Variants in RAB11B observed in about 807,000 individuals in gnomAD.
RAB11B encodes the protein RAB11B, member RAS oncogene family.
In RAB11B, 7 loss-of-function variants were observed where a neutral mutation model predicts 23.7. That is an observed-to-expected ratio of 0.29 (90% CI 0.17 to 0.55). RAB11B has a LOEUF of 0.55. RAB11B is among the 20% of genes least tolerant of loss of function. The pLI is 0.93. For synonymous variants in RAB11B, 138 were observed against 132.0 expected (o/e 1.05, Z -0.31); for missense variants, 189 against 320.0 (o/e 0.59, Z 3.12).
In RAB11B at chr19:8,403,750, C is replaced by T. The variant is rs1355786498; in HGVS notation, c.*192C>T. ...GTCCTGCCCGGGGAAAAGCTAGAAG[C>T]CCCGGTTTGCTGCACCCATGAAACT... On this transcript the variant is annotated 3_prime_UTR_variant, in exon 5 of 5. Coordinates refer to ENST00000328024, the MANE Select transcript of RAB11B (RefSeq NM_004218.4). 1.5e-5 allele frequency: 12 copies of T among 782,378 alleles called. No individual in the cohort carries two copies. The highest frequency in any genetic ancestry group is 1.0e-4 in the Admixed American group (3 of 28,934). 48.5% of individuals were successfully genotyped at this position (782,378 alleles called of 1,614,324 possible). A position where few individuals can be genotyped will look rare whatever the true frequency, so the allele number is the denominator to read the frequency against.
chr19:8,393,920 G>A (rs978420843), intron 1 of RAB11B, among the ~76,000 whole-genome samples: 1 of 152,222 alleles, frequency 6.6e-6, no homozygotes, highest in Non-Finnish European at 1.5e-5. Context: ...GGGCTTGCCT[G>A]CTCTGTCAGC....
At chr19:8,393,983 A>G (rs543233329) in intron 1 of RAB11B, among the ~76,000 whole-genome samples, 4 of 152,296 alleles carry the variant, frequency 2.6e-5, no homozygotes, top group Admixed American at 6.5e-5. Context: ...GAAGCCACCA[A>G]CTTCTGTGGA....
In RAB11B at chr19:8,400,065, G is replaced by A. The variant is rs777955946; in HGVS notation, c.236+7G>A. 1.2e-6 allele frequency: 2 copies of A among 1,606,820 alleles called. No homozygotes were observed. Among genetic ancestry groups the A allele is most frequent in the Non-Finnish European group, 1.7e-6 (2 of 1,173,972 alleles). Reference sequence around the variant, plus strand: ...ACCGCGCCATCACCTCCGCGTGCGTGTCGGCAGCCTGGGCAGGGACGCTGA... The same window carrying A: ...ACCGCGCCATCACCTCCGCGTGCGTATCGGCAGCCTGGGCAGGGACGCTGA... On this transcript the variant is annotated splice_region_variant and intron_variant, in intron 2 of 4. Coordinates refer to ENST00000328024, the MANE Select transcript of RAB11B (RefSeq NM_004218.4).
chr19:8,395,272 T>C (rs1971387827), intron 1 of RAB11B, among the ~76,000 whole-genome samples: 1 of 11,634 alleles, frequency 8.6e-5, no homozygotes, highest in African/African-American at 6.0e-4. Context: ...TCCATCTTTC[T>C]TTTTTTTTTT....
At chr19:8,393,872 G>A (rs1340974812) in intron 1 of RAB11B, among the ~76,000 whole-genome samples, 1 of 152,232 alleles carries the variant, frequency 6.6e-6, no homozygotes, top group Non-Finnish European at 1.5e-5. Flanking sequence ...GGGCACCTAG[G>A]ACTTCTCAGA....
At chr19:8,393,016 A>C (rs1971370244) in intron 1 of RAB11B, among the ~76,000 whole-genome samples, 1 of 142,436 alleles carries the variant, frequency 7.0e-6, no homozygotes, top group African/African-American at 2.6e-5. Context: ...TTTGGTGGCC[A>C]CATCACGCAC....
chr19:8,390,394 A>G lies in RAB11B; in HGVS notation c.-23A>G, dbSNP rs943592450. 4 of 1,528,654 alleles carry G rather than the reference A, an allele frequency of 2.6e-6. No individual in the cohort carries two copies. In the African/African-American group the frequency reaches 5.8e-5, roughly 22 times the overall value. 94.7% of individuals were successfully genotyped at this position (1,528,654 alleles called of 1,614,324 possible). On this transcript the variant is annotated 5_prime_UTR_variant, in exon 1 of 5. Coordinates refer to ENST00000328024, the MANE Select transcript of RAB11B (RefSeq NM_004218.4). ...TTGTGGTGGGGCTGCGGAGTCGCCG[A>G]TCCCGCCGGAAGCGCCAGGACAATG...
intron 1 of RAB11B, among the ~76,000 whole-genome samples, chr19:8,394,819 A>T (rs1048387911): frequency 6.6e-6 from 1 of 152,198 alleles, no homozygotes; most frequent in Non-Finnish European, 1.5e-5. Flanking sequence ...AATCCCGGCT[A>T]CTCGGGAGGC....
intron 4 of RAB11B, chr19:8,402,952 T>G (rs1431469724): frequency 1.2e-5 from 5 of 407,968 alleles, no homozygotes; most frequent in African/African-American, 2.0e-5. Context: ...CGTGAGCCAC[T>G]GCACCTGGCC....
intron 2 of RAB11B, among the ~76,000 whole-genome samples, chr19:8,400,533 G>A (rs965410118): frequency 6.6e-6 from 1 of 150,840 alleles, no homozygotes; most frequent in Admixed American, 6.6e-5. Flanking sequence ...GATCCTCTGG[G>A]CTCCCTCCCA....
intron 4 of RAB11B, 25 bp downstream of exon 4, chr19:8,402,590 G>T (rs759697118): frequency 8.3e-6 from 13 of 1,566,460 alleles, no homozygotes; most frequent in Non-Finnish European, 1.1e-5. Context: ...GATGGGTGTG[G>T]GTAGGGCACC....
rs1382298110 is a variant in RAB11B, at chr19:8,394,207, G to A, written c.40+3751G>A. On this transcript the variant is annotated intron_variant, in intron 1 of 4. Coordinates refer to ENST00000328024, the MANE Select transcript of RAB11B (RefSeq NM_004218.4). ...CACCTGTTTTGTCACCCAGACTGGA[G>A]TGCAGTGGCTTAGTGTCAGCTCACT... Among the ~76,000 whole-genome samples the A allele has an allele frequency of 6.6e-5, 10 of 152,210 alleles. 1 individual carries two copies. Among genetic ancestry groups the A allele is most frequent in the Admixed American group, 6.6e-4 (10 of 15,264 alleles).
Position 8,404,024 on chromosome 19 carries a change from C to G in RAB11B, c.*466C>G, listed in dbSNP as rs1319522504. 6.2e-6 allele frequency: 1 copy of G among 160,036 alleles called. No individual in the cohort carries two copies. Among genetic ancestry groups the G allele is most frequent in the Non-Finnish European group, 1.4e-5 (1 of 73,100 alleles). The allele number at this position is 160,036 out of a possible 1,614,324, so 9.9% of individuals were successfully genotyped here. On this transcript the variant is annotated 3_prime_UTR_variant, in exon 5 of 5. Transcript: ENST00000328024. ...CCGGGGCAGGCGGACCCCCCGGGCTCTCAGCGCCCACCCGCTCCTCCGCAC... is the reference window on the plus strand; with the variant it reads ...CCGGGGCAGGCGGACCCCCCGGGCTGTCAGCGCCCACCCGCTCCTCCGCAC...
intron 1 of RAB11B, among the ~76,000 whole-genome samples, chr19:8,395,492 G>A (rs1357483967): frequency 2.6e-5 from 4 of 151,632 alleles, no homozygotes; most frequent in East Asian, 1.9e-4. Context: ...CAAATGATCC[G>A]CCTGCCTCGG....
chr19:8,401,120 G>A (rs892081273), intron 2 of RAB11B, among the ~76,000 whole-genome samples: 5 of 151,232 alleles, frequency 3.3e-5, no homozygotes, highest in Non-Finnish European at 5.9e-5. Flanking sequence ...TCACTCTGTC[G>A]CCCAGGCTGG....
chr19:8,402,835 T>A (rs1971449334), intron 4 of RAB11B: 2 of 560,036 alleles, frequency 3.6e-6, no homozygotes, highest in Non-Finnish European at 6.3e-6. Flanking sequence ...CTAATTTTTG[T>A]AATTTTTAGT....
intron 1 of RAB11B, among the ~76,000 whole-genome samples, chr19:8,399,263 T>C (rs1971419812): frequency 6.6e-6 from 1 of 152,130 alleles, no homozygotes; most frequent in Non-Finnish European, 1.5e-5. Context: ...ACTTTTTGTA[T>C]TTTTTATAGA....
At chr19:8,399,752 C>CCA (rs1669923219) in intron 1 of RAB11B, 111 bp from the exon 2 acceptor site, 4 of 1,266,930 alleles carry the variant, frequency 3.2e-6, no homozygotes, top group Non-Finnish European at 3.3e-6. Flanking sequence ...CTCGACTCCT[C>CCA]CACACCGTTG....
chr19:8,395,487 G>C (rs1480407231), intron 1 of RAB11B, among the ~76,000 whole-genome samples: 1 of 152,010 alleles, frequency 6.6e-6, no homozygotes, highest in Non-Finnish European at 1.5e-5. Flanking sequence ...GACCTCAAAT[G>C]ATCCGCCTGC....
Sources: allele counts gnomAD v4.1 joint callset (sites outside exome capture counted in the v4.1 genomes callset), GRCh38; gene constraint gnomAD v4.1.1; transcripts MANE v1.5; gene names NCBI Gene and HGNC (gene_info 2026-07-23, HGNC 2026-07-21).